The following AMPH variants were observed in gnomAD, a reference collection of about 807,000 sequenced individuals.
AMPH encodes amphiphysin (Stiff-Mann syndrome with breast cancer 128kD autoantigen).
A neutral mutation model predicts 99.1 loss-of-function variants in AMPH; 49 were observed. The observed-to-expected ratio is 0.49, with a 90% CI of 0.39 to 0.63. AMPH has a LOEUF of 0.63. Among genes scored for constraint, AMPH ranks in the 20% least tolerant of loss-of-function variants. The pLI is 0.00. For synonymous variants in AMPH, 314 were observed against 317.3 expected, an observed-to-expected ratio of 0.99 and a Z score of 0.11; for missense variants, 759 against 863.4, an observed-to-expected ratio of 0.88 and a Z score of 1.52.
At chr7:38,389,628 A>G (rs1158557801) in intron 20 of AMPH, among the ~76,000 whole-genome samples, 176 bp downstream of exon 20, 1 of 152,254 alleles carries the variant, frequency 6.6e-6, no homozygotes, top group African/African-American at 2.4e-5. Context: ...ACAGCATCCC[A>G]AAAGGGTGTC....
At chr7:38,519,728 G>A (rs1033950080) in intron 2 of AMPH, among the ~76,000 whole-genome samples, 3 of 152,182 alleles carry the variant, frequency 2.0e-5, no homozygotes, top group Non-Finnish European at 2.9e-5. Flanking sequence ...CTGTAGTCCA[G>A]GTTAGGATCA....
At chr7:38,448,395 C>G (rs545096759) in intron 11 of AMPH, among the ~76,000 whole-genome samples, 1 of 152,298 alleles carries the variant, frequency 6.6e-6, no homozygotes, top group South Asian at 2.1e-4. Flanking sequence ...ATGCCTGAAA[C>G]CACAAATGGT....
intron 1 of AMPH, among the ~76,000 whole-genome samples, chr7:38,584,414 G>C (rs1212830209): frequency 6.6e-6 from 1 of 152,222 alleles, no homozygotes; most frequent in Non-Finnish European, 1.5e-5. Context: ...TCATTGCTTT[G>C]AGGCCTGAAT....
chr7:38,419,907 C>A (rs1785522759), intron 16 of AMPH, among the ~76,000 whole-genome samples: 1 of 152,108 alleles, frequency 6.6e-6, no homozygotes, highest in Admixed American at 6.5e-5. Context: ...AATATTTGCA[C>A]CAGAGTCTGG....
intron 9 of AMPH, chr7:38,464,054 C>T (rs915185510): frequency 4.6e-5 from 59 of 1,289,446 alleles, no homozygotes; most frequent in Non-Finnish European, 6.0e-5. Flanking sequence ...TAGCCCCAAT[C>T]TAAGCTTAAT....
chr7:38,544,896 T>C (rs899136807), intron 1 of AMPH, among the ~76,000 whole-genome samples: 3 of 152,220 alleles, frequency 2.0e-5, no homozygotes, highest in African/African-American at 7.2e-5. Flanking sequence ...GATCTTCCAG[T>C]TGATCCAATG....
intron 17 of AMPH, among the ~76,000 whole-genome samples, chr7:38,403,034 C>T (rs962775898): frequency 1.3e-5 from 2 of 151,834 alleles, no homozygotes; most frequent in Middle Eastern, 3.4e-3. Context: ...TAAAAAAATG[C>T]TCCAAGGTTT....
intron 17 of AMPH, among the ~76,000 whole-genome samples, chr7:38,397,285 T>A (rs1360864230): frequency 6.6e-6 from 1 of 152,240 alleles, no homozygotes; most frequent in Non-Finnish European, 1.5e-5. Flanking sequence ...GGAGAGGATA[T>A]CTTTCCATGA....
At chr7:38,406,982 T>G (rs1785030083) in intron 17 of AMPH, among the ~76,000 whole-genome samples, 1 of 139,388 alleles carries the variant, frequency 7.2e-6, no homozygotes, top group African/African-American at 2.7e-5. Context: ...CGTGGGACTT[T>G]GCCTTGTAAT....
At chr7:38,390,107 T>G (rs1002046665) in intron 19 of AMPH, among the ~76,000 whole-genome samples, 1 of 152,232 alleles carries the variant, frequency 6.6e-6, no homozygotes, top group Admixed American at 6.5e-5. Context: ...AGTAATGCAA[T>G]GCCCTCTACA....
chr7:38,517,676 T>C (rs1246720075), intron 2 of AMPH, among the ~76,000 whole-genome samples: 2 of 152,240 alleles, frequency 1.3e-5, no homozygotes, highest in Non-Finnish European at 2.9e-5. Flanking sequence ...TACTTTCAAC[T>C]ACATATAGTG....
chr7:38,556,608 G>A (rs966832089), intron 1 of AMPH, among the ~76,000 whole-genome samples: 1 of 152,188 alleles, frequency 6.6e-6, no homozygotes, highest in Non-Finnish European at 1.5e-5. Context: ...TTCTGGCAAA[G>A]GAGAAAGCAC....
intron 2 of AMPH, among the ~76,000 whole-genome samples, chr7:38,523,107 T>TA (rs60807450): frequency 0.019 from 2,517 of 132,728 alleles, 77 homozygotes; most frequent in African/African-American, 0.067. Context: ...AAACTCTGTC[T>TA]AAAAAAAAAA....
At chr7:38,622,243 G>A (rs1370632146) in intron 1 of AMPH, among the ~76,000 whole-genome samples, 3 of 152,048 alleles carry the variant, frequency 2.0e-5, no homozygotes, top group Non-Finnish European at 2.9e-5. Flanking sequence ...TAGTGTAAAT[G>A]GCTAGAAAGT....
intron 11 of AMPH, among the ~76,000 whole-genome samples, chr7:38,439,526 GT>G (rs1786421372): frequency 2.6e-5 from 4 of 152,206 alleles, no homozygotes; most frequent in Non-Finnish European, 5.9e-5. Flanking sequence ...TCACAACTCT[GT>G]CACCACATGT....
chr7:38,401,330 CAT>C (rs1784834564), intron 17 of AMPH, among the ~76,000 whole-genome samples: 1 of 152,198 alleles, frequency 6.6e-6, no homozygotes, highest in Non-Finnish European at 1.5e-5. Context: ...ATTTCAAAAA[CAT>C]AGAATCATAC....
intron 2 of AMPH, among the ~76,000 whole-genome samples, chr7:38,522,296 C>T (rs541067618): frequency 1.7e-3 from 265 of 152,240 alleles, no homozygotes; most frequent in African/African-American, 5.8e-3. Context: ...CTTTAGTACA[C>T]TTATATGTGT....
At chr7:38,461,002 A>AT (rs1260580526) in intron 11 of AMPH, among the ~76,000 whole-genome samples, 1 of 152,212 alleles carries the variant, frequency 6.6e-6, no homozygotes, top group African/African-American at 2.4e-5. Flanking sequence ...CAATAAAACA[A>AT]TTTTTAAAAA....
intron 16 of AMPH, chr7:38,420,776 G>T (rs73348891): frequency 0.024 from 8,223 of 337,706 alleles, 603 homozygotes; most frequent in African/African-American, 0.16. Context: ...ACTCCAAAGG[G>T]CTTTAGAGGC....
Sources: gnomAD v4.1 joint callset for allele counts (sites outside exome capture counted in the v4.1 genomes callset) on GRCh38, gnomAD v4.1.1 for gene constraint, MANE v1.5 for transcripts, NCBI Gene and HGNC (gene_info 2026-07-23, HGNC 2026-07-21) for gene names.